Variants in MIPOL1 observed in about 807,000 individuals in gnomAD.
MIPOL1 encodes the protein mirror-image polydactyly gene 1 protein.
Under a neutral mutation model 60.9 loss-of-function variants are expected in MIPOL1, and 57 were observed. That is an observed-to-expected ratio of 0.94 (90% CI 0.76 to 1.17). The LOEUF is 1.17. Ranked by LOEUF, MIPOL1 falls within the 50% of genes most tolerant of loss-of-function variation. MIPOL1 has a pLI of 0.00. For missense variants in MIPOL1, 551 were observed against 511.6 expected (o/e 1.08, Z -0.74); for synonymous variants, 179 against 168.8 (o/e 1.06, Z -0.47).
chr14:37,444,861 G>C (rs2094307658), intron 11 of MIPOL1, among the ~76,000 whole-genome samples: 1 of 152,154 alleles, frequency 6.6e-6, no homozygotes, highest in Admixed American at 6.5e-5. Context: ...AAAGGCCTTT[G>C]ACAAAATTCA....
intron 1 of MIPOL1, among the ~76,000 whole-genome samples, chr14:37,216,902 A>G (rs1245423860): frequency 2.0e-5 from 3 of 152,172 alleles, no homozygotes; most frequent in Non-Finnish European, 4.4e-5. Flanking sequence ...AACCAAATCC[A>G]ACATTACTAG....
rs543645223 is a variant in MIPOL1, at chr14:37,270,429, A to C, written c.397A>C (p.Lys133Gln). 2.5e-6 allele frequency: 4 copies of C among 1,570,600 alleles called. No individual in the cohort carries two copies. The Admixed American group carries it at 7.2e-5, about 28-fold the overall frequency. ...TTTCAATGTGCTTTAGCTTCAGCAG[A>C]AATTGGCTAAAGAAGATAAAGAACA... is the stretch of plus-strand genomic sequence containing the variant. ...LRTSNKKLQQ[K>Q]LAKEDKEQRK... The change falls in exon 6 of 13, where the codon AAA becomes CAA. Residue 133 changes from lysine (K) to glutamine (Q), a missense_variant. Lys to Gln is a moderately conservative substitution (Grantham distance 53). Coordinates refer to ENST00000684589, the MANE Select transcript of MIPOL1 (RefSeq NM_001388067.1).
At chr14:37,433,290 A>T (rs1441324878) in intron 11 of MIPOL1, among the ~76,000 whole-genome samples, 1 of 151,998 alleles carries the variant, frequency 6.6e-6, no homozygotes, top group Non-Finnish European at 1.5e-5. Context: ...TTACACAGGT[A>T]TACATGTACC....
rs139278747 is a variant in MIPOL1 at position 37,491,435 on chromosome 14, A to G, written c.1032-8473A>G. 6.9e-3 allele frequency among the ~76,000 whole-genome samples: 1,051 copies of G among 152,268 alleles called. 12 individuals carry two copies. The highest frequency in any genetic ancestry group is 0.024 in the African/African-American group (1,011 of 41,552). Reference sequence around the variant, plus strand: ...TCTCAGCTACTCAGGAGGCTGAGGTAGTAGAATCGCTTGAACCCCAGAGGT... The same window carrying G: ...TCTCAGCTACTCAGGAGGCTGAGGTGGTAGAATCGCTTGAACCCCAGAGGT... On this transcript the variant is annotated intron_variant, in intron 11 of 12. Coordinates refer to ENST00000684589, the MANE Select transcript of MIPOL1 (RefSeq NM_001388067.1).
rs555615416 is a variant in MIPOL1, at chr14:37,544,053, AGAG to A, written c.1263-2848_1263-2846del. Among the ~76,000 whole-genome samples, 190 of 152,324 alleles carry A rather than the reference AGAG, an allele frequency of 1.2e-3. 1 individual carries two copies. Among genetic ancestry groups the A allele is most frequent in the African/African-American group, 4.3e-3 (177 of 41,570 alleles). On this transcript the variant is annotated intron_variant, in intron 12 of 12. Coordinates refer to ENST00000684589, the MANE Select transcript of MIPOL1 (RefSeq NM_001388067.1). ...GTATCATAGGCCAATTGTATAAGCA[AGAG>A]GAGATTTCTTGAAGGCAGTTGGATA...
chr14:37,251,258 G>T (rs1358151113), intron 3 of MIPOL1, among the ~76,000 whole-genome samples: 6 of 151,760 alleles, frequency 4.0e-5, no homozygotes. Flanking sequence ...AGGGGTTGGG[G>T]GGTCTCACTA....
intron 11 of MIPOL1, among the ~76,000 whole-genome samples, chr14:37,476,614 A>T (rs763479708): frequency 1.3e-5 from 2 of 152,114 alleles, no homozygotes; most frequent in African/African-American, 4.8e-5. Flanking sequence ...CCCTATTTCT[A>T]GGTTGCTGAG....
At chr14:37,285,009 A>G (rs917174380) in intron 6 of MIPOL1, among the ~76,000 whole-genome samples, 1 of 152,156 alleles carries the variant, frequency 6.6e-6, no homozygotes, top group African/African-American at 2.4e-5. Flanking sequence ...TGCTCTTCAG[A>G]TGGTTGTAGA....
intron 7 of MIPOL1, among the ~76,000 whole-genome samples, chr14:37,293,010 C>T (rs1392780533): frequency 3.3e-5 from 5 of 152,120 alleles, no homozygotes; most frequent in East Asian, 1.9e-4. Context: ...CCTCTCTATA[C>T]GTATCCTAAT....
intron 9 of MIPOL1, among the ~76,000 whole-genome samples, chr14:37,347,391 G>A (rs1348116141): frequency 2.6e-5 from 4 of 152,138 alleles, no homozygotes; most frequent in African/African-American, 4.8e-5. Context: ...AGTAGATACG[G>A]CTGAAGATAG....
chr14:37,278,247 C>G (rs2083824728), intron 6 of MIPOL1: 1 of 151,534 alleles, frequency 6.6e-6, no homozygotes, highest in Non-Finnish European at 1.5e-5. Flanking sequence ...GGGCATCTAC[C>G]ATCTATTTTA....
intron 3 of MIPOL1, among the ~76,000 whole-genome samples, chr14:37,261,966 G>A (rs941231049): frequency 6.6e-6 from 1 of 151,920 alleles, no homozygotes; most frequent in African/African-American, 2.4e-5. Flanking sequence ...CACTTGGATG[G>A]TCTAAACTTT....
intron 9 of MIPOL1, among the ~76,000 whole-genome samples, chr14:37,359,710 A>G (rs1362893653): frequency 1.3e-5 from 2 of 152,182 alleles, no homozygotes; most frequent in African/African-American, 2.4e-5. Context: ...TTGCTTATCA[A>G]CTTAAGGAGA....
intron 12 of MIPOL1, among the ~76,000 whole-genome samples, chr14:37,534,004 C>G (rs1311597862): frequency 6.7e-6 from 1 of 149,116 alleles, no homozygotes. Flanking sequence ...AGGAGAGGTG[C>G]TTGAACCCAG....
At chr14:37,441,664 CAT>C (rs1197955120) in intron 11 of MIPOL1, among the ~76,000 whole-genome samples, 1 of 151,732 alleles carries the variant, frequency 6.6e-6, no homozygotes, top group African/African-American at 2.4e-5. Context: ...AGTCAAGTAA[CAT>C]AATATACTGT....
At chr14:37,204,129 G>A (rs559550155) in intron 1 of MIPOL1, among the ~76,000 whole-genome samples, 1 of 151,984 alleles carries the variant, frequency 6.6e-6, no homozygotes, top group Non-Finnish European at 1.5e-5. Flanking sequence ...GAGTTTGGAA[G>A]CAGATCCTCT....
chr14:37,392,457 T>G (rs926506481), intron 10 of MIPOL1, among the ~76,000 whole-genome samples: 2 of 152,216 alleles, frequency 1.3e-5, no homozygotes, highest in Admixed American at 1.3e-4. Flanking sequence ...TTCAATGTAA[T>G]CATGTCATCT....
intron 9 of MIPOL1, among the ~76,000 whole-genome samples, chr14:37,358,064 C>A (rs1413433624): frequency 1.3e-5 from 2 of 151,786 alleles, no homozygotes; most frequent in Non-Finnish European, 2.9e-5. Flanking sequence ...TTTTCAATTC[C>A]CATCTGTGAG....
intron 11 of MIPOL1, among the ~76,000 whole-genome samples, chr14:37,493,793 T>G (rs1185841692): frequency 6.6e-6 from 1 of 152,228 alleles, no homozygotes; most frequent in East Asian, 1.9e-4. Flanking sequence ...GGATATTGTG[T>G]AAGTTGCACT....
Sources: allele counts gnomAD v4.1 joint callset (sites outside exome capture counted in the v4.1 genomes callset), GRCh38; gene constraint gnomAD v4.1.1; transcripts MANE v1.5; gene names NCBI Gene and HGNC (gene_info 2026-07-23, HGNC 2026-07-21).